Variants in UTRN observed in about 807,000 individuals in gnomAD.
UTRN encodes the protein dystrophin-related protein 1.
UTRN carries 283 observed loss-of-function variants against 463.9 expected under a neutral mutation model. That is an observed-to-expected ratio of 0.61 (90% CI 0.55 to 0.67). The LOEUF (loss-of-function observed/expected upper bound fraction) is 0.67. Among genes scored for constraint, UTRN ranks in the 30% least tolerant of loss-of-function variants. The pLI is 0.00. For synonymous variants in UTRN, 1,442 were observed against 1,431.5 expected (o/e 1.01, Z -0.17); for missense variants, 3,922 against 4,084.3 (o/e 0.96, Z 1.08).
At position 144,482,381 on chromosome 6, in the gene UTRN, C is replaced by A; in HGVS notation, c.3680C>A (p.Thr1227Lys). 2.6e-6 allele frequency: 4 copies of A among 1,558,330 alleles called. No homozygotes were observed. Among genetic ancestry groups the A allele is most frequent in the Non-Finnish European group, 2.6e-6 (3 of 1,159,162 alleles). ...LCNRIRGKCH[T>K]LEEVWSCWIE... ...AATAGAATTCGAGGAAAGTGCCACA[C>A]GCTAGAGGTATGCTATTATTATTAT... The change falls in exon 27 of 75, where the codon ACG becomes AAG. Residue 1227 changes from threonine (T) to lysine (K), a missense_variant. Physicochemically the swap from Thr to Lys is moderately conservative, Grantham distance 78. Around this residue, in one of 3 missense-constraint regions of UTRN, gnomAD observed 2,349 missense variants for 2,303.8 expected, o/e 1.02. Coordinates refer to ENST00000367545, the MANE Select transcript of UTRN (RefSeq NM_007124.3).
At chr6:144,573,348 T>C (rs1314646471) in intron 50 of UTRN, among the ~76,000 whole-genome samples, 5 of 151,714 alleles carry the variant, frequency 3.3e-5, no homozygotes, top group Non-Finnish European at 5.9e-5. Context: ...AGTTGGGAGT[T>C]CAAGACCAGC....
intron 57 of UTRN, among the ~76,000 whole-genome samples, 198 bp downstream of exon 57, chr6:144,754,996 G>T (rs548184794): frequency 2.0e-5 from 3 of 152,184 alleles, no homozygotes; most frequent in African/African-American, 7.2e-5. Flanking sequence ...AAGTCTTCAA[G>T]GTGGAACAGA....
chr6:144,679,208 C>T (rs1436296200), intron 52 of UTRN, among the ~76,000 whole-genome samples: 1 of 151,936 alleles, frequency 6.6e-6, no homozygotes, highest in African/African-American at 2.4e-5. Context: ...TAAGGATGAA[C>T]CTTAGGACCA....
At position 144,598,230 on chromosome 6, in the gene UTRN, G is replaced by A. The variant is rs75912338; in HGVS notation, c.7479+20942G>A. On this transcript the variant is annotated intron_variant, in intron 51 of 74. Coordinates refer to ENST00000367545, the MANE Select transcript of UTRN (RefSeq NM_007124.3). ...TTTTATACATTTTAGGGAGAAAATAGACGTCCATCAATACGTGTAAGATGT... is the reference window on the plus strand; with the variant it reads ...TTTTATACATTTTAGGGAGAAAATAAACGTCCATCAATACGTGTAAGATGT... Among the ~76,000 whole-genome samples the A allele has an allele frequency of 2.8e-3, 423 of 152,302 alleles. 2 individuals carry two copies. Among genetic ancestry groups the A allele is most frequent in the African/African-American group, 8.5e-3 (353 of 41,574 alleles).
chr6:144,742,366 A>G (rs1790196096), intron 54 of UTRN, among the ~76,000 whole-genome samples: 1 of 152,196 alleles, frequency 6.6e-6, no homozygotes, highest in African/African-American at 2.4e-5. Context: ...CCTCTCAAAC[A>G]CTGATTGAAC....
At chr6:144,356,864 T>C (rs541618377) in intron 2 of UTRN, among the ~76,000 whole-genome samples, 25 of 90,644 alleles carry the variant, frequency 2.8e-4, no homozygotes, top group Admixed American at 9.5e-4. Context: ...TGTGTGTGTA[T>C]GTGTGTGTAT....
intron 62 of UTRN, among the ~76,000 whole-genome samples, chr6:144,792,147 T>A (rs909056186): frequency 6.6e-6 from 1 of 152,222 alleles, no homozygotes; most frequent in Non-Finnish European, 1.5e-5. Flanking sequence ...ATGCTTATAA[T>A]TAAAGCCATA....
At chr6:144,723,395 T>C (rs1037199627) in intron 53 of UTRN, among the ~76,000 whole-genome samples, 6 of 152,212 alleles carry the variant, frequency 3.9e-5, no homozygotes, top group African/African-American at 1.4e-4. Flanking sequence ...TAGTATTTAA[T>C]TCTGAGAGCA....
chr6:144,351,567 A>T (rs1778111523), intron 2 of UTRN, among the ~76,000 whole-genome samples: 1 of 152,182 alleles, frequency 6.6e-6, no homozygotes, highest in African/African-American at 2.4e-5. Flanking sequence ...AAAGTTTGCT[A>T]TCATTTGTTC....
chr6:144,461,304 G>A lies in UTRN; in HGVS notation c.2815G>A (p.Asp939Asn). 2 of 1,595,112 alleles carry A rather than the reference G, an allele frequency of 1.3e-6. No homozygotes were observed. Among genetic ancestry groups the A allele is most frequent in the South Asian group, 1.1e-5 (1 of 87,134 alleles). ...CCAGGTGTCTCTGAATGTCCTTAAT[G>A]ATCTTGCCAAGGTGGAGAAGGCCCT... The part of the protein sequence containing the change: ...KAQVSLNVLN[D>N]LAKVEKALQE... Residue 939 changes from aspartate to asparagine, a missense_variant, in exon 22 of 75, where the codon GAT becomes AAT. Coordinates refer to ENST00000367545, the MANE Select transcript of UTRN (RefSeq NM_007124.3).
intron 51 of UTRN, among the ~76,000 whole-genome samples, chr6:144,665,451 T>G (rs2128674998): frequency 7.4e-6 from 1 of 135,666 alleles, no homozygotes; most frequent in Non-Finnish European, 1.7e-5. Flanking sequence ...TATAATCAAG[T>G]AGTAGCTTGA....
chr6:144,554,682 C>G lies in UTRN; in HGVS notation c.6929-6C>G. The G allele has an allele frequency of 6.2e-7, 1 of 1,613,414 alleles. No individual in the cohort carries two copies. Among genetic ancestry groups the G allele is most frequent in the Non-Finnish European group, 8.5e-7 (1 of 1,179,832 alleles). On this transcript the variant is annotated splice_region_variant and splice_polypyrimidine_tract_variant and intron_variant, in intron 48 of 74. Coordinates refer to ENST00000367545, the MANE Select transcript of UTRN (RefSeq NM_007124.3). ...ATTTTTTTTTCTTTTATAATGCTACCCTCAGTGGAAAGGGTCAAGAACCAG... is the reference window on the plus strand; with the variant it reads ...ATTTTTTTTTCTTTTATAATGCTACGCTCAGTGGAAAGGGTCAAGAACCAG...
At chr6:144,843,524 C>G (rs1282790878) in intron 73 of UTRN, among the ~76,000 whole-genome samples, 1 of 152,114 alleles carries the variant, frequency 6.6e-6, no homozygotes, top group East Asian at 1.9e-4. Flanking sequence ...CTTTTTATGG[C>G]CTCACTTTAA....
chr6:144,550,886 A>C, intron 47 of UTRN, 79 bp from the exon 48 acceptor site: 8 of 1,244,040 alleles, frequency 6.4e-6, no homozygotes, highest in Non-Finnish European at 8.7e-6. Context: ...GACAACTTTG[A>C]TGTCAGCACA....
Position 144,319,628 on chromosome 6 carries a change from C to T in UTRN, c.79+27721C>T, listed in dbSNP as rs9688641. ...TGTTGCCCAGGCTGGAGTGCAGTGG[C>T]GCCATCTCGGCTCACTGCTACCTTG... On this transcript the variant is annotated intron_variant, in intron 2 of 74. Coordinates refer to ENST00000367545, the MANE Select transcript of UTRN (RefSeq NM_007124.3). 6.1e-3 allele frequency among the ~76,000 whole-genome samples: 935 copies of T among 152,162 alleles called. 10 individuals are homozygous for T. The highest frequency in any genetic ancestry group is 0.021 in the African/African-American group (883 of 41,492).
At chr6:144,768,892 C>T (rs1793648523) in intron 58 of UTRN, among the ~76,000 whole-genome samples, 1 of 151,000 alleles carries the variant, frequency 6.6e-6, no homozygotes, top group Non-Finnish European at 1.5e-5. Flanking sequence ...CATGTTCTCA[C>T]TATTGTTTGC....
intron 47 of UTRN, among the ~76,000 whole-genome samples, chr6:144,549,896 T>G (rs1335635506): frequency 6.6e-6 from 1 of 152,202 alleles, no homozygotes; most frequent in South Asian, 2.1e-4. Flanking sequence ...CCCTTTGGAT[T>G]TTTAGTCTGT....
chr6:144,452,945 G>GAA (rs1175934612), intron 18 of UTRN, among the ~76,000 whole-genome samples: 239 of 69,820 alleles, frequency 3.4e-3, no homozygotes, highest in African/African-American at 0.011. Flanking sequence ...CTGCCTCAAA[G>GAA]AAAAAAAAAA....
At chr6:144,318,684 G>A (rs1775436637) in intron 2 of UTRN, among the ~76,000 whole-genome samples, 6 of 152,080 alleles carry the variant, frequency 3.9e-5, no homozygotes, top group Admixed American at 1.3e-4. Context: ...GGCTGGTCTT[G>A]AACTGCTGAC....
Sources: gnomAD v4.1 joint callset for allele counts (sites outside exome capture counted in the v4.1 genomes callset) on GRCh38, gnomAD v4.1.1 for gene constraint, gnomAD v4.1.1 regional missense constraint, MANE v1.5 for transcripts, NCBI Gene and HGNC (gene_info 2026-07-23, HGNC 2026-07-21) for gene names.